KCNK10: variants seen among roughly 807,000 people sequenced by gnomAD.
The protein encoded by KCNK10 is potassium two pore domain channel subfamily K member 10.
Under a neutral mutation model 47.7 loss-of-function variants are expected in KCNK10, and 25 were observed. The ratio of observed to expected loss-of-function variants is 0.52; its 90% CI spans 0.38 to 0.73. The LOEUF is 0.73. Ranked by LOEUF, KCNK10 falls within the 30% of genes least tolerant of loss-of-function variation. KCNK10 has a pLI of 0.00. For synonymous variants in KCNK10, 303 were observed against 285.6 expected (o/e 1.06, Z -0.61); for missense variants, 563 against 714.5 (o/e 0.79, Z 2.42).
chr14:88,190,350 A>G (rs1884704264), intron 5 of KCNK10, among the ~76,000 whole-genome samples: 1 of 152,186 alleles, frequency 6.6e-6, no homozygotes, highest in African/African-American at 2.4e-5. Flanking sequence ...AAATAGTTCA[A>G]AATTCCAGCT....
chr14:88,236,893 C>G (rs1036633245), intron 3 of KCNK10, among the ~76,000 whole-genome samples: 1 of 152,192 alleles, frequency 6.6e-6, no homozygotes, highest in African/African-American at 2.4e-5. Flanking sequence ...TTGATGACTA[C>G]TGACTGATCA....
In KCNK10 at chr14:88,186,247, G is replaced by A. The variant is rs969270952; in HGVS notation, c.1012-92C>T. 1.4e-6 allele frequency: 2 copies of A among 1,419,280 alleles called. No individual in the cohort carries two copies. Among genetic ancestry groups the A allele is most frequent in the Non-Finnish European group, 1.9e-6 (2 of 1,068,952 alleles). The allele number at this position is 1,419,280 out of a possible 1,614,324, so 87.9% of individuals were successfully genotyped here. A position where few individuals can be genotyped will look rare whatever the true frequency, so the allele number is the denominator to read the frequency against. On this transcript the variant is annotated intron_variant, in intron 6 of 6. Transcript: ENST00000319231. This position sits in a 1 kb window ranked among gnomAD's most constrained non-coding sequence, Gnocchi z 5.5. Reference sequence around the variant, plus strand: ...CACAGCCCTCGGGTGTCCCCACGGGGAGGCCAGGAGGTGACGGAGCACATG... The same window carrying A: ...CACAGCCCTCGGGTGTCCCCACGGGAAGGCCAGGAGGTGACGGAGCACATG...
rs1884533556 is a variant in KCNK10, at chr14:88,185,825, T to C, written c.1342A>G (p.Ile448Val). ...GAGGTGGACCCGAACTTGTTGATGATGTTGTCCTCGGACGCACCCTGCCCA... is the reference window on the plus strand; with the variant it reads ...GAGGTGGACCCGAACTTGTTGATGACGTTGTCCTCGGACGCACCCTGCCCA... Reference protein sequence around the residue: ...KHGQGASEDNIINKFGSTSRL... With the variant: ...KHGQGASEDNVINKFGSTSRL... The change falls in exon 7 of 7, where the codon ATC becomes GTC. Residue 448 changes from isoleucine to valine, a missense_variant. Physicochemically the swap from Ile to Val is conservative, Grantham distance 29. Transcript: ENST00000319231. This position sits in a 1 kb window ranked among gnomAD's most constrained non-coding sequence, Gnocchi z 4.3. 6.2e-7 allele frequency: 1 copy of C among 1,614,086 alleles called. No individual in the cohort carries two copies.
At chr14:88,257,863 T>C (rs1886999381) in intron 2 of KCNK10, among the ~76,000 whole-genome samples, 1 of 152,192 alleles carries the variant, frequency 6.6e-6, no homozygotes, top group African/African-American at 2.4e-5. Flanking sequence ...CTCCAGTGCT[T>C]CTCAACCTAT....
intron 1 of KCNK10, among the ~76,000 whole-genome samples, chr14:88,300,896 G>T (rs1444280732): frequency 6.6e-6 from 1 of 151,998 alleles, no homozygotes; most frequent in Non-Finnish European, 1.5e-5. Flanking sequence ...CCTATATTAG[G>T]CTTCCTTTTC....
chr14:88,324,237 C>G (rs1291679628), upstream of KCNK10, among the ~76,000 whole-genome samples: 4 of 152,236 alleles, frequency 2.6e-5, no homozygotes, highest in Non-Finnish European at 5.9e-5. Flanking sequence ...CTAACGCCCT[C>G]TCACTGCCCC....
Position 88,263,419 on chromosome 14 carries a change from C to A in KCNK10, c.185G>T (p.Gly62Val). Residue 62 changes from glycine to valine, a missense_variant, in exon 2 of 7, where the codon GGC (glycine) becomes GTC (valine). Gly to Val is a moderately radical substitution (Grantham distance 109). Transcript: ENST00000319231. ...SRATVVARME[G>V]TSQGGLQTVM... is the part of the protein sequence containing the mutation. ...GGTCTGCAAGCCCCCTTGGGAGGTG[C>A]CTTCCATCCTGGCTACCACTGTGGC... 1 of 1,614,132 alleles carries A rather than the reference C, an allele frequency of 6.2e-7. No individual in the cohort carries two copies.
chr14:88,199,746 A>T (rs375692801), intron 4 of KCNK10, among the ~76,000 whole-genome samples: 4 of 152,358 alleles, frequency 2.6e-5, no homozygotes, highest in African/African-American at 9.6e-5. Flanking sequence ...TCCCATGAGT[A>T]GCCCAGAGGC....
In KCNK10 at chr14:88,180,423, AG is replaced by A. The variant is rs558770689; in HGVS notation, c.*5111del. 1.8e-4 allele frequency: 31 copies of A among 176,108 alleles called. 1 individual carries two copies. In the South Asian group the frequency reaches 6.2e-3, roughly 35 times the overall value. The allele number at this position is 176,108 out of a possible 1,614,324, so 10.9% of individuals were successfully genotyped here. On this transcript the variant is annotated 3_prime_UTR_variant, in exon 7 of 7. Coordinates refer to ENST00000319231, the MANE Select transcript of KCNK10 (RefSeq NM_138317.3). ...GAAGGAGGCCAGAGGCTGGCATGTG[AG>A]GTGGTTTGCATATCACTTCTAGGCA...
intron 4 of KCNK10, among the ~76,000 whole-genome samples, chr14:88,193,714 A>G (rs1205157747): frequency 6.6e-6 from 1 of 152,172 alleles, no homozygotes; most frequent in Admixed American, 6.5e-5. Flanking sequence ...TGAAGCCAAG[A>G]GGGGTTAAGG....
chr14:88,305,948 G>C (rs966212419), intron 1 of KCNK10, among the ~76,000 whole-genome samples: 2 of 152,202 alleles, frequency 1.3e-5, no homozygotes, highest in Non-Finnish European at 2.9e-5. Flanking sequence ...ATCAGTTATT[G>C]GTTGAGGGCT....
intron 1 of KCNK10, among the ~76,000 whole-genome samples, chr14:88,264,800 T>G (rs185246507): frequency 1.7e-4 from 26 of 152,378 alleles, no homozygotes; most frequent in Non-Finnish European, 7.3e-5. Context: ...AAGATCTATA[T>G]GTTAGAATCA....
intron 2 of KCNK10, among the ~76,000 whole-genome samples, chr14:88,258,578 C>G (rs1345138639): frequency 6.6e-6 from 1 of 152,156 alleles, no homozygotes; most frequent in Non-Finnish European, 1.5e-5. Flanking sequence ...CGTGAGCCAC[C>G]GAACCCGGCC....
In KCNK10 at chr14:88,181,840, A is replaced by C. The variant is rs1378324140; in HGVS notation, c.*3695T>G. On this transcript the variant is annotated 3_prime_UTR_variant, in exon 7 of 7. Coordinates refer to ENST00000319231, the MANE Select transcript of KCNK10 (RefSeq NM_138317.3). ...GAACTCATGGACTAGGGAGTGTTTC[A>C]TTAGAGAACTGCACAACTACAATGG... 1 of 152,332 alleles carries C rather than the reference A, an allele frequency of 6.6e-6. No homozygotes were observed. Among genetic ancestry groups the C allele is most frequent in the Non-Finnish European group, 1.5e-5 (1 of 68,034 alleles). 9.4% of individuals were successfully genotyped at this position (152,332 alleles called of 1,614,324 possible). A position where few individuals can be genotyped will look rare whatever the true frequency, so the allele number is the denominator to read the frequency against.
At chr14:88,210,589 A>C (rs1030638521) in intron 4 of KCNK10, among the ~76,000 whole-genome samples, 2 of 152,292 alleles carry the variant, frequency 1.3e-5, no homozygotes, top group East Asian at 3.9e-4. Flanking sequence ...CCGTCCTCCC[A>C]CCAGCTCTGC....
intron 1 of KCNK10, among the ~76,000 whole-genome samples, chr14:88,315,925 A>T (rs558474118): frequency 1.3e-5 from 2 of 152,222 alleles, no homozygotes; most frequent in African/African-American, 4.8e-5. Context: ...GGGAGGAATG[A>T]AGGAAAAGTT....
rs370513176 is a variant in KCNK10 at position 88,201,923 on chromosome 14, A to T, written c.682-9513T>A. 2.6e-5 allele frequency among the ~76,000 whole-genome samples: 4 copies of T among 152,302 alleles called. No individual in the cohort carries two copies. The South Asian group carries it at 8.3e-4, about 32-fold the overall frequency. On this transcript the variant is annotated intron_variant, in intron 4 of 6. Transcript: ENST00000319231. ...CCAGGGACACATGCTCCATAAGATA[A>T]AGTAGTCAACAGTGCCCTACCCTTT...
chr14:88,204,114 T>C (rs898566369), intron 4 of KCNK10, among the ~76,000 whole-genome samples: 1 of 152,174 alleles, frequency 6.6e-6, no homozygotes, highest in Non-Finnish European at 1.5e-5. Context: ...TGTATACTCT[T>C]TGTAGTCTTT....
intron 4 of KCNK10, among the ~76,000 whole-genome samples, chr14:88,198,206 A>C (rs370146038): frequency 6.6e-6 from 1 of 152,360 alleles, no homozygotes; most frequent in East Asian, 1.9e-4. Flanking sequence ...AGGAAAACTC[A>C]TAAGCGATCA....
Sources: allele counts gnomAD v4.1 joint callset (sites outside exome capture counted in the v4.1 genomes callset), GRCh38; gene constraint gnomAD v4.1.1; non-coding constraint Gnocchi (gnomAD v3.1); transcripts MANE v1.5; gene names NCBI Gene and HGNC (gene_info 2026-07-23, HGNC 2026-07-21).